Variants in VPS37B observed in about 807,000 individuals in gnomAD.
The protein encoded by VPS37B is VPS37B subunit of ESCRT-I.
Under a neutral mutation model 21.2 loss-of-function variants are expected in VPS37B, and 11 were observed. That is an observed-to-expected ratio of 0.52 (90% CI 0.33 to 0.86). The LOEUF (loss-of-function observed/expected upper bound fraction) is 0.86. Ranked by LOEUF, VPS37B falls within the 40% of genes least tolerant of loss-of-function variation. The pLI is 0.03. For synonymous variants in VPS37B, 175 were observed against 159.6 expected (o/e 1.10, Z -0.73); for missense variants, 389 against 374.8 (o/e 1.04, Z -0.31).
At chr12:122,884,047 G>A (rs1301275337) in intron 1 of VPS37B, 1 of 152,154 alleles carries the variant, frequency 6.6e-6, no homozygotes, top group Non-Finnish European at 1.5e-5. Context: ...CCTATCCTAG[G>A]CCTTCCGAAT....
rs1416393153 is a variant in VPS37B, at chr12:122,870,885, G to C, written c.283+5C>G. 1 of 1,610,216 alleles carries C rather than the reference G, an allele frequency of 6.2e-7. No individual in the cohort carries two copies. Among genetic ancestry groups the C allele is most frequent in the Non-Finnish European group, 8.5e-7 (1 of 1,178,132 alleles). On this transcript the variant is annotated splice_donor_5th_base_variant and intron_variant, in intron 2 of 3. Coordinates refer to ENST00000267202, the MANE Select transcript of VPS37B (RefSeq NM_024667.3). ...ATTCTCGAATGATCACCCTTAAAAA[G>C]TTACCTAATTTGGTCTTCTTTATCT...
In VPS37B at chr12:122,868,446, C is replaced by T. The variant is rs757307511; in HGVS notation, c.366+34G>A. ...GCGGGCCCACGGACTGCCCAAAGCGCCCCAAGGATTCCACCAAGGCTGGTG... is the reference window on the plus strand; with the variant it reads ...GCGGGCCCACGGACTGCCCAAAGCGTCCCAAGGATTCCACCAAGGCTGGTG... On this transcript the variant is annotated intron_variant, in intron 3 of 3. Transcript: ENST00000267202. This position sits in a 1 kb window ranked among gnomAD's most constrained non-coding sequence, Gnocchi z 5.5. 6.9e-6 allele frequency: 11 copies of T among 1,603,434 alleles called. No individual in the cohort carries two copies. In the South Asian group the frequency reaches 8.9e-5, roughly 13 times the overall value.
intron 2 of VPS37B, chr12:122,870,188 C>T (rs996503164): frequency 6.6e-6 from 1 of 152,162 alleles, no homozygotes; most frequent in African/African-American, 2.4e-5. Context: ...GGTTAAGTCT[C>T]CTCTTCTAAA....
chr12:122,894,441 G>C (rs576643000), intron 1 of VPS37B, among the ~76,000 whole-genome samples: 10 of 152,360 alleles, frequency 6.6e-5, no homozygotes, highest in Non-Finnish European at 1.5e-5. Context: ...GGGTTTTCCA[G>C]GGATTTTGAA....
At chr12:122,887,033 T>TC (rs71440280) in intron 1 of VPS37B, 4 of 152,226 alleles carry the variant, frequency 2.6e-5, no homozygotes, top group Non-Finnish European at 5.9e-5. Flanking sequence ...TTCTAGTTTT[T>TC]CCCCACAGTC....
At chr12:122,875,852 A>G (rs1398765344) in intron 1 of VPS37B, 1 of 151,146 alleles carries the variant, frequency 6.6e-6, no homozygotes, top group Non-Finnish European at 1.5e-5. Flanking sequence ...AACTAAAAAA[A>G]AAAAAAAAAA....
rs759649916 is a variant in VPS37B at position 122,867,177 on chromosome 12, G to A, written c.797C>T (p.Pro266Leu). 8.3e-6 allele frequency: 13 copies of A among 1,562,524 alleles called. No homozygotes were observed. ...CCGGGGCGGGGGTCTCTGAGGGAGAGGTGGCGGATATGGGGACACGAACTG... is the reference window on the plus strand; with the variant it reads ...CCGGGGCGGGGGTCTCTGAGGGAGAAGTGGCGGATATGGGGACACGAACTG... The part of the protein sequence containing the change: ...SSQFVSPYPP[P>L]LPQRPPPRLP... Residue 266 changes from proline to leucine, a missense_variant, in exon 4 of 4, where the codon CCT (proline) becomes CTT (leucine). By Grantham distance (98) the Pro-to-Leu change is moderately conservative. Transcript: ENST00000267202. The surrounding 1 kb of genome is among the most constrained non-coding windows in gnomAD (Gnocchi z 5.5).
At chr12:122,870,742 A>G (rs372754448) in intron 2 of VPS37B, 148 bp downstream of exon 2, 17 of 777,764 alleles carry the variant, frequency 2.2e-5, no homozygotes, top group East Asian at 5.6e-5. Flanking sequence ...TAAATAAATA[A>G]TATACATAAG....
chr12:122,896,027 C>G lies in VPS37B; in HGVS notation c.36G>C (p.Gly12=). The G allele has an allele frequency of 6.3e-7, 1 of 1,591,492 alleles. No homozygotes were observed. The highest frequency in any genetic ancestry group is 8.5e-7 in the Non-Finnish European group (1 of 1,172,440). ...GCTCGTTGAGCTGCACCAGCGACAG[C>G]CCGGCGAACCGGGCTTCGCTCCCGG... The part of the protein sequence containing the change: ...AGAGSEARFA[G]LSLVQLNELL... Residue 12 remains glycine, a synonymous_variant, in exon 1 of 4, where the codon GGG becomes GGC. Transcript: ENST00000267202.
At chr12:122,874,158 G>A (rs1239708905) in intron 1 of VPS37B, 1 of 152,220 alleles carries the variant, frequency 6.6e-6, no homozygotes, top group Non-Finnish European at 1.5e-5. Flanking sequence ...AGCAAGTGCA[G>A]GTCTCCCACG....
intron 1 of VPS37B, 28 bp from the exon 2 acceptor site, chr12:122,871,089 A>G (rs1331892892): frequency 2.5e-6 from 4 of 1,610,612 alleles, no homozygotes; most frequent in Non-Finnish European, 3.4e-6. Flanking sequence ...GATGATGAGA[A>G]CCAAAAGTAT....
chr12:122,871,670 G>A, intron 1 of VPS37B: 5 of 985,556 alleles, frequency 5.1e-6, no homozygotes, highest in Non-Finnish European at 6.0e-6. Context: ...ACCAAAAGCT[G>A]GGGGAAGAGG....
intron 1 of VPS37B, chr12:122,888,786 C>A (rs2034366037): frequency 3.1e-6 from 1 of 320,920 alleles, no homozygotes; most frequent in Non-Finnish European, 6.3e-6. Flanking sequence ...CTCCTAGTGG[C>A]CTTTCAAACT....
At chr12:122,887,119 G>C (rs1014720744) in intron 1 of VPS37B, 1 of 152,166 alleles carries the variant, frequency 6.6e-6, no homozygotes, top group Admixed American at 6.5e-5. Flanking sequence ...AGACTCAACA[G>C]GCTCTGCTAT....
chr12:122,871,936 A>G, intron 1 of VPS37B: 1 of 985,232 alleles, frequency 1.0e-6, no homozygotes, highest in Non-Finnish European at 1.2e-6. Context: ...AGCCGCCGCC[A>G]CCTCACTTTC....
Position 122,867,344 on chromosome 12 carries a change from TGGGG to T in VPS37B, c.626_629del (p.Pro209HisfsTer10). 1 of 430,718 alleles carries T rather than the reference TGGGG, an allele frequency of 2.3e-6. No homozygotes were observed. The highest frequency in any genetic ancestry group is 3.9e-6 in the Non-Finnish European group (1 of 253,842). The allele number at this position is 430,718 out of a possible 1,614,324, so 26.7% of individuals were successfully genotyped here. ...AGCGTCCCGCAGGCACCGGGGGTGGTGGGGGGGGGATGCGCCGAGGTGCAACGGC... is the reference window on the plus strand; with the variant it reads ...AGCGTCCCGCAGGCACCGGGGGTGGTGGGGGATGCGCCGAGGTGCAACGGC... On this transcript the variant is annotated frameshift_variant, in exon 4 of 4. Transcript: ENST00000267202. LOFTEE classifies it high-confidence loss of function. This position sits in a 1 kb window ranked among gnomAD's most constrained non-coding sequence, Gnocchi z 5.5.
chr12:122,872,287 T>C (rs556067278), intron 1 of VPS37B: 39 of 985,278 alleles, frequency 4.0e-5, no homozygotes, highest in Non-Finnish European at 4.2e-5. Flanking sequence ...CATGCCTCAA[T>C]CAGGAGATCC....
chr12:122,892,969 G>A (rs746466824), intron 1 of VPS37B, among the ~76,000 whole-genome samples: 3 of 151,134 alleles, frequency 2.0e-5, no homozygotes, highest in Non-Finnish European at 2.9e-5. Flanking sequence ...GCTAAGGCAC[G>A]AGAATCACTT....
At chr12:122,886,671 C>T (rs1288525775) in intron 1 of VPS37B, 1 of 152,224 alleles carries the variant, frequency 6.6e-6, no homozygotes, top group African/African-American at 2.4e-5. Context: ...ATACAATTAA[C>T]ATCCACAAAA....
Sources: gnomAD v4.1 joint callset for allele counts (sites outside exome capture counted in the v4.1 genomes callset) on GRCh38, gnomAD v4.1.1 for gene constraint, Gnocchi (gnomAD v3.1) non-coding constraint, MANE v1.5 for transcripts, NCBI Gene and HGNC (gene_info 2026-07-23, HGNC 2026-07-21) for gene names.